The following RBPJ variants were observed in gnomAD, a reference collection of about 807,000 sequenced individuals.
RBPJ encodes recombining binding protein suppressor of hairless.
Under a neutral mutation model 67.8 loss-of-function variants are expected in RBPJ, and 9 were observed. The observed-to-expected ratio is 0.13, with a 90% CI of 0.08 to 0.23. RBPJ has a LOEUF of 0.23. RBPJ is among the 10% of genes least tolerant of loss of function. The pLI is 1.00. For synonymous variants in RBPJ, 198 were observed against 203.3 expected, an observed-to-expected ratio of 0.97 and a Z score of 0.22; for missense variants, 305 against 595.6, an observed-to-expected ratio of 0.51 and a Z score of 5.08.
At chr4:26,208,904 T>G (rs960831059) in intron 1 of RBPJ, among the ~76,000 whole-genome samples, 1 of 152,158 alleles carries the variant, frequency 6.6e-6, no homozygotes, top group East Asian at 1.9e-4. Flanking sequence ...AGGGATAAGA[T>G]AGTAGATATT....
chr4:26,298,362 T>A (rs1721956070), intron 1 of RBPJ, among the ~76,000 whole-genome samples: 1 of 152,194 alleles, frequency 6.6e-6, no homozygotes, highest in Non-Finnish European at 1.5e-5. Flanking sequence ...GTCTCCCAAA[T>A]GACCATCTAG....
intron 1 of RBPJ, among the ~76,000 whole-genome samples, chr4:26,294,461 T>C (rs1721793959): frequency 6.6e-6 from 1 of 152,022 alleles, no homozygotes. Flanking sequence ...CCAGATGTCG[T>C]GTAGAGAGTG....
intron 1 of RBPJ, among the ~76,000 whole-genome samples, chr4:26,271,648 A>G (rs1323891046): frequency 1.3e-5 from 2 of 152,128 alleles, no homozygotes; most frequent in South Asian, 2.1e-4. Context: ...CTCTGCCTGC[A>G]TATGCTATGT....
At chr4:26,273,555 G>A (rs1407921036) in intron 1 of RBPJ, among the ~76,000 whole-genome samples, 1 of 152,204 alleles carries the variant, frequency 6.6e-6, no homozygotes, top group Non-Finnish European at 1.5e-5. Context: ...CTATGTCCGA[G>A]GCCATTCTGG....
intron 1 of RBPJ, among the ~76,000 whole-genome samples, chr4:26,199,546 G>A (rs1370489222): frequency 6.6e-6 from 1 of 152,216 alleles, no homozygotes; most frequent in African/African-American, 2.4e-5. Context: ...GAGGTCAGTA[G>A]AAACTAAAAG....
intron 1 of RBPJ, among the ~76,000 whole-genome samples, chr4:26,270,366 AAAGAAAG>A (rs1720843574): frequency 7.1e-5 from 2 of 28,154 alleles, no homozygotes; most frequent in African/African-American, 2.7e-4. Flanking sequence ...AGAAAGAAAG[AAAGAAAG>A]AAAGAAAGAA....
intron 1 of RBPJ, among the ~76,000 whole-genome samples, chr4:26,167,947 A>G (rs1301899323): frequency 1.3e-5 from 2 of 151,360 alleles, no homozygotes; most frequent in Non-Finnish European, 2.9e-5. Context: ...CCATCCTTTT[A>G]TTTTGAGCCT....
At chr4:26,182,205 C>T (rs557908773) in intron 1 of RBPJ, among the ~76,000 whole-genome samples, 1 of 151,830 alleles carries the variant, frequency 6.6e-6, no homozygotes, top group Non-Finnish European at 1.5e-5. Flanking sequence ...AGCCGGGCGC[C>T]GTGGCGGGCG....
intron 1 of RBPJ, among the ~76,000 whole-genome samples, chr4:26,295,151 C>G (rs1721822341): frequency 6.6e-6 from 1 of 152,106 alleles, no homozygotes; most frequent in African/African-American, 2.4e-5. Context: ...ACATTTTTCT[C>G]CCCTCCACTA....
intron 1 of RBPJ, among the ~76,000 whole-genome samples, chr4:26,213,485 G>C (rs1718510202): frequency 6.6e-6 from 1 of 152,152 alleles, no homozygotes; most frequent in Admixed American, 6.5e-5. Context: ...GGACACAGTA[G>C]ATGCAAATGC....
chr4:26,406,231 A>C lies in RBPJ; in HGVS notation c.116A>C (p.His39Pro), dbSNP rs1733395045. ...GGGGATCAAACAGTACTTATTCTTC[A>C]TGCAAAAGTTGCACAGAAGTCATAT... ...ERGDQTVLIL[H>P]AKVAQKSYGN... Residue 39 changes from histidine to proline, a missense_variant, in exon 3 of 11, where the codon CAT becomes CCT. His to Pro is a moderately conservative substitution (Grantham distance 77). This residue lies in a region of RBPJ where 4 missense variants were observed against 21.7 expected (regional missense o/e 0.18). Transcript: ENST00000355476. 1 of 1,612,504 alleles carries C rather than the reference A, an allele frequency of 6.2e-7. No individual in the cohort carries two copies. Among genetic ancestry groups the C allele is most frequent in the African/African-American group, 1.3e-5 (1 of 74,886 alleles).
At position 26,219,997 on chromosome 4, in the gene RBPJ, A is replaced by G. The variant is rs895919271; in HGVS notation, c.-167+56383A>G. 2.0e-5 allele frequency among the ~76,000 whole-genome samples: 3 copies of G among 150,990 alleles called. No individual in the cohort carries two copies. In the South Asian group the frequency reaches 6.3e-4, roughly 32 times the overall value. On this transcript the variant is annotated intron_variant, in intron 1 of 4. Coordinates refer to the RBPJ transcript ENST00000512351. ...ACGGGGTTTCACTATGTTAGCCAGG[A>G]TGGTCTCTATCTGGTGACCTCGTGA...
the RBPJ span, among the ~76,000 whole-genome samples, chr4:26,129,879 T>G: frequency 1.3e-4 from 20 of 152,292 alleles, no homozygotes; most frequent in Admixed American, 1.2e-3. Context: ...TTTATTTTTT[T>G]GAGATGGAGT....
At chr4:26,301,908 G>A (rs1277686599) in intron 1 of RBPJ, among the ~76,000 whole-genome samples, 2 of 151,942 alleles carry the variant, frequency 1.3e-5, no homozygotes, top group African/African-American at 2.4e-5. Context: ...TTCTCCTGCT[G>A]CAGCCTCCCG....
chr4:26,166,545 G>C (rs1716310506), intron 1 of RBPJ, among the ~76,000 whole-genome samples: 1 of 151,040 alleles, frequency 6.6e-6, no homozygotes, highest in African/African-American at 2.4e-5. Context: ...CATATCCTTT[G>C]CCCACTTTTT....
At chr4:26,116,258 C>T in the RBPJ span, among the ~76,000 whole-genome samples, 7 of 152,326 alleles carry the variant, frequency 4.6e-5, no homozygotes, top group Non-Finnish European at 7.3e-5. Context: ...AACCAATTAA[C>T]GGGCAGGGAT....
the RBPJ span, among the ~76,000 whole-genome samples, chr4:26,109,708 C>T: frequency 2.0e-5 from 1 of 49,410 alleles, no homozygotes; most frequent in Non-Finnish European, 4.2e-5. Context: ...TGTCCACCTT[C>T]CTCTCTCTCT....
At chr4:26,371,378 G>C (rs1729146081) in intron 1 of RBPJ, among the ~76,000 whole-genome samples, 1 of 152,130 alleles carries the variant, frequency 6.6e-6, no homozygotes, top group Non-Finnish European at 1.5e-5. Flanking sequence ...ACACACATGA[G>C]TCATCTTGAA....
At chr4:26,110,823 C>T in the RBPJ span, among the ~76,000 whole-genome samples, 1 of 152,164 alleles carries the variant, frequency 6.6e-6, no homozygotes, top group African/African-American at 2.4e-5. The surrounding 1 kb of genome is among the most constrained non-coding windows in gnomAD (Gnocchi z 4.5). Flanking sequence ...TGCCGCTCAG[C>T]CCTGGAGTCA....
Sources: gnomAD v4.1 joint callset for allele counts (sites outside exome capture counted in the v4.1 genomes callset) on GRCh38, gnomAD v4.1.1 for gene constraint, gnomAD v4.1.1 regional missense constraint, Gnocchi (gnomAD v3.1) non-coding constraint, MANE v1.5 for transcripts, NCBI Gene and HGNC (gene_info 2026-07-23, HGNC 2026-07-21) for gene names.